TMEM212: variants seen among roughly 807,000 people sequenced by gnomAD.
TMEM212 encodes transmembrane protein 212.
TMEM212 carries 23 observed loss-of-function variants against 20.5 expected under a neutral mutation model. The observed-to-expected ratio is 1.12, with a 90% confidence interval of 0.81 to 1.59. The LOEUF (loss-of-function observed/expected upper bound fraction) is 1.59. Among genes scored for constraint, TMEM212 ranks in the 40% most tolerant of loss-of-function variants. The pLI is 0.00. For missense variants in TMEM212, 211 were observed against 215.0 expected, an observed-to-expected ratio of 0.98 and a Z score of 0.12; for synonymous variants, 76 against 81.6, an observed-to-expected ratio of 0.93 and a Z score of 0.37.
At position 171,843,507 on chromosome 3, in the gene TMEM212, G is replaced by A; in HGVS notation, c.124G>A (p.Val42Ile). ...SYKPWFTGWS[V>I]RIACPIWNGA... ...CAAGCCTTGGTTCACAGGATGGAGT[G>A]TTCGAATTGCTTGTCCTATCTGGAA... The change falls in exon 1 of 5, where the codon GTT becomes ATT. Residue 42 changes from valine to isoleucine, a missense_variant. Coordinates refer to ENST00000334567, the MANE Select transcript of TMEM212 (RefSeq NM_001164436.2). 2.6e-6 allele frequency: 4 copies of A among 1,536,350 alleles called. No individual in the cohort carries two copies. Among genetic ancestry groups the A allele is most frequent in the Non-Finnish European group, 2.6e-6 (3 of 1,146,456 alleles).
intron 3 of TMEM212, 133 bp from the exon 4 acceptor site, chr3:171,856,530 A>C (rs759041821): frequency 2.1e-6 from 1 of 485,986 alleles, no homozygotes; most frequent in Non-Finnish European, 3.7e-6. Context: ...CCTCCCAACA[A>C]ATACACCCAT....
At chr3:171,850,284 T>G (rs1724947076) in intron 1 of TMEM212, among the ~76,000 whole-genome samples, 1 of 152,174 alleles carries the variant, frequency 6.6e-6, no homozygotes, top group African/African-American at 2.4e-5. Flanking sequence ...AAGGCATTCA[T>G]ACTCAGCCTA....
chr3:171,853,162 A>G (rs1056366384), intron 2 of TMEM212, among the ~76,000 whole-genome samples: 1 of 149,916 alleles, frequency 6.7e-6, no homozygotes. Context: ...TAGATTGAAA[A>G]TGAAAGGCGG....
At chr3:171,848,230 G>A (rs1364130108) in intron 1 of TMEM212, among the ~76,000 whole-genome samples, 3 of 152,160 alleles carry the variant, frequency 2.0e-5, no homozygotes, top group African/African-American at 7.2e-5. Context: ...TAATTCAGCA[G>A]GTCTGGGGTG....
chr3:171,853,505 T>C (rs1343413878), intron 2 of TMEM212, 22 bp from the exon 3 acceptor site: 22 of 1,523,272 alleles, frequency 1.4e-5, no homozygotes, highest in East Asian at 2.5e-5. Flanking sequence ...AAAGTAACAA[T>C]TTATTTTTGC....
rs971819576 is a variant in TMEM212, at chr3:171,843,505, G to A, written c.122G>A (p.Ser41Asn). 1.8e-5 allele frequency: 28 copies of A among 1,536,924 alleles called. No individual in the cohort carries two copies. Among genetic ancestry groups the A allele is most frequent in the Non-Finnish European group, 2.4e-5 (28 of 1,146,720 alleles). ...FSYKPWFTGW[S>N]VRIACPIWNG... The stretch of plus-strand genomic sequence containing the variant: ...TACAAGCCTTGGTTCACAGGATGGA[G>A]TGTTCGAATTGCTTGTCCTATCTGG... Residue 41 changes from serine to asparagine, a missense_variant, in exon 1 of 5, where the codon AGT becomes AAT. Ser to Asn is a conservative substitution (Grantham distance 46). Transcript: ENST00000334567.
intron 1 of TMEM212, among the ~76,000 whole-genome samples, chr3:171,848,408 C>A (rs1013951219): frequency 6.6e-6 from 1 of 152,190 alleles, no homozygotes; most frequent in African/African-American, 2.4e-5. Flanking sequence ...TGCATTCCTT[C>A]CTTTTCCATC....
rs886174126 is a variant in TMEM212 at position 171,859,128 on chromosome 3, C to T, written c.*1071C>T. On this transcript the variant is annotated 3_prime_UTR_variant, in exon 5 of 5. Coordinates refer to ENST00000334567, the MANE Select transcript of TMEM212 (RefSeq NM_001164436.2). ...GAACACTTGGACACAGGGTGGGGAA[C>T]ATCACACACTGGGGCCTTTCAGTGG... The T allele has an allele frequency of 1.3e-5, 2 of 152,110 alleles. No homozygotes were observed. The highest frequency in any genetic ancestry group is 4.8e-5 in the African/African-American group (2 of 41,398). 9.4% of individuals were successfully genotyped at this position (152,110 alleles called of 1,614,324 possible).
chr3:171,850,941 A>G (rs1406094528), intron 1 of TMEM212, among the ~76,000 whole-genome samples: 1 of 152,174 alleles, frequency 6.6e-6, no homozygotes, highest in Non-Finnish European at 1.5e-5. Flanking sequence ...TAAGTCTCAA[A>G]ACAATAAATA....
chr3:171,846,454 T>C lies in TMEM212; in HGVS notation c.159+2912T>C, dbSNP rs1342405650. ...CCTCTCCTCTAACAAATGTATATTGTAGAAGGGCAGGGATTGTTTTTTCTA... is the reference window on the plus strand; with the variant it reads ...CCTCTCCTCTAACAAATGTATATTGCAGAAGGGCAGGGATTGTTTTTTCTA... On this transcript the variant is annotated intron_variant, in intron 1 of 4. Transcript: ENST00000334567. Among the ~76,000 whole-genome samples the C allele has an allele frequency of 4.6e-5, 7 of 152,318 alleles. No individual in the cohort carries two copies. In the East Asian group the frequency reaches 1.3e-3, roughly 29 times the overall value.
At chr3:171,849,066 C>A (rs752096557) in intron 1 of TMEM212, among the ~76,000 whole-genome samples, 1 of 152,064 alleles carries the variant, frequency 6.6e-6, no homozygotes, top group Non-Finnish European at 1.5e-5. Flanking sequence ...TGATTTTCTA[C>A]TCTTCTCTGC....
intron 1 of TMEM212, among the ~76,000 whole-genome samples, chr3:171,848,177 C>G (rs186634984): frequency 6.6e-6 from 1 of 152,082 alleles, no homozygotes; most frequent in Admixed American, 6.5e-5. Flanking sequence ...CAAACTGTAA[C>G]GTGCATACAA....
chr3:171,844,125 T>C (rs1420179082), intron 1 of TMEM212, among the ~76,000 whole-genome samples: 1 of 152,178 alleles, frequency 6.6e-6, no homozygotes, highest in Non-Finnish European at 1.5e-5. Flanking sequence ...ACTAGGAAAG[T>C]ACATGTGCCA....
At chr3:171,847,978 G>A (rs1724877330) in intron 1 of TMEM212, among the ~76,000 whole-genome samples, 1 of 152,204 alleles carries the variant, frequency 6.6e-6, no homozygotes, top group Non-Finnish European at 1.5e-5. Flanking sequence ...AATAATCTAT[G>A]TCAATGGTCC....
chr3:171,853,731 G>A lies in TMEM212; in HGVS notation c.424G>A (p.Glu142Lys), dbSNP rs534712067. ...AGCCTGTGTGGACCCACCACACTAC[G>A]AAGAGTACCACCTGACACTTCAAGC... is the stretch of plus-strand genomic sequence containing the variant. ...PLACVDPPHY[E>K]EYHLTLQALD... The change falls in exon 3 of 5, where the codon GAA becomes AAA. Residue 142 changes from glutamate (E) to lysine (K), a missense_variant. Glu to Lys is a moderately conservative substitution (Grantham distance 56). Transcript: ENST00000334567. 1.6e-5 allele frequency: 25 copies of A among 1,537,434 alleles called. No individual in the cohort carries two copies. The highest frequency in any genetic ancestry group is 1.1e-4 in the African/African-American group (8 of 73,110).
In TMEM212 at chr3:171,843,381, A is replaced by C; in HGVS notation, c.-3A>C. 6.5e-7 allele frequency: 1 copy of C among 1,532,410 alleles called. No homozygotes were observed. Among genetic ancestry groups the C allele is most frequent in the South Asian group, 1.2e-5 (1 of 83,074 alleles). 94.9% of individuals were successfully genotyped at this position (1,532,410 alleles called of 1,614,324 possible). ...AGACCAAGGCCTCAAGCCACCAAGG[A>C]AAATGAAGGGCCTCTACCAGGCTGC... On this transcript the variant is annotated 5_prime_UTR_variant, in exon 1 of 5. Coordinates refer to ENST00000334567, the MANE Select transcript of TMEM212 (RefSeq NM_001164436.2).
intron 1 of TMEM212, among the ~76,000 whole-genome samples, chr3:171,849,620 T>C (rs1724925241): frequency 1.3e-5 from 2 of 152,186 alleles, no homozygotes; most frequent in African/African-American, 4.8e-5. Flanking sequence ...CATTGCTTGT[T>C]TGCAGTAGAC....
At chr3:171,845,874 G>A (rs766375119) in intron 1 of TMEM212, among the ~76,000 whole-genome samples, 2 of 152,148 alleles carry the variant, frequency 1.3e-5, no homozygotes, top group Admixed American at 6.5e-5. Context: ...CAGTGAGAAG[G>A]AACACAATTT....
At chr3:171,856,322 T>C (rs1177967908) in intron 3 of TMEM212, among the ~76,000 whole-genome samples, 1 of 152,190 alleles carries the variant, frequency 6.6e-6, no homozygotes, top group East Asian at 1.9e-4. Context: ...GTATATGCAA[T>C]CCAAATGCAT....
Sources: gnomAD v4.1 joint callset for allele counts (sites outside exome capture counted in the v4.1 genomes callset) on GRCh38, gnomAD v4.1.1 for gene constraint, MANE v1.5 for transcripts, NCBI Gene and HGNC (gene_info 2026-07-23, HGNC 2026-07-21) for gene names.